The following CD44 variants were observed in gnomAD, a reference collection of about 807,000 sequenced individuals.
The protein encoded by CD44 is CD44 molecule (IN blood group).
In CD44, 49 loss-of-function variants were observed where a neutral mutation model predicts 88.8. The observed-to-expected ratio is 0.55, with a 90% CI of 0.44 to 0.70. The LOEUF (loss-of-function observed/expected upper bound fraction) is 0.70, where lower values mean the gene tolerates loss of function less well. Among genes scored for constraint, CD44 ranks in the 30% least tolerant of loss-of-function variants. The pLI is 0.00. For synonymous variants in CD44, 325 were observed against 312.3 expected, an observed-to-expected ratio of 1.04 and a Z score of -0.43; for missense variants, 883 against 913.8, an observed-to-expected ratio of 0.97 and a Z score of 0.43.
rs1948365005 is a variant in CD44 at position 35,211,290 on chromosome 11, G to A, written c.1651G>A (p.Glu551Lys). The A allele has an allele frequency of 2.5e-6, 4 of 1,613,866 alleles. No individual in the cohort carries two copies. The Admixed American group carries it at 5.0e-5, about 20-fold the overall frequency. The change falls in exon 14 of 18, where the codon GAA becomes AAA. Residue 551 changes from glutamate (E) to lysine (K), a missense_variant. By Grantham distance (56) the Glu-to-Lys change is moderately conservative (BLOSUM62 1). This residue lies in a region of CD44 where 631 missense variants were observed against 590.9 expected (regional missense o/e 1.07). Transcript: ENST00000428726. ...TGGAAGAAGAGACCCAAATCATTCTGAAGGCTCAACTACTTTACTGGAAGG... is the reference window on the plus strand; with the variant it reads ...TGGAAGAAGAGACCCAAATCATTCTAAAGGCTCAACTACTTTACTGGAAGG... ...TGGRRDPNHS[E>K]GSTTLLEGYT...
At chr11:35,155,122 CTTATTTCTCA>C (rs371960562) in intron 1 of CD44, among the ~76,000 whole-genome samples, 5 of 152,224 alleles carry the variant, frequency 3.3e-5, no homozygotes, top group African/African-American at 1.2e-4. Flanking sequence ...TTGACCTCTC[CTTATTTCTCA>C]TTGGATGAAT....
chr11:35,144,301 G>T (rs947171219), intron 1 of CD44, among the ~76,000 whole-genome samples: 7 of 152,228 alleles, frequency 4.6e-5, no homozygotes, highest in African/African-American at 1.4e-4. Flanking sequence ...AAGGGAAGTG[G>T]TTCTTGCGAA....
chr11:35,186,857 A>C lies in CD44; in HGVS notation c.393A>C (p.Ser131=), dbSNP rs1174133122. ...CTCCACCTGAAGAAGATTGTACATC[A>C]GTCACAGACCTGCCCAATGCCTTTG... The part of the protein sequence containing the change: ...ASAPPEEDCT[S]VTDLPNAFDG... Residue 131 remains serine, a synonymous_variant, in exon 4 of 18, where the codon TCA becomes TCC. Coordinates refer to ENST00000428726, the MANE Select transcript of CD44 (RefSeq NM_000610.4). The C allele has an allele frequency of 6.2e-7, 1 of 1,607,152 alleles. No homozygotes were observed. The highest frequency in any genetic ancestry group is 1.3e-5 in the African/African-American group (1 of 74,792).
intron 1 of CD44, among the ~76,000 whole-genome samples, chr11:35,158,836 G>A (rs1942240218): frequency 1.3e-5 from 2 of 152,198 alleles, no homozygotes; most frequent in Non-Finnish European, 2.9e-5. Flanking sequence ...CAGGATTATT[G>A]CTGTAGCTGG....
rs753639479 is a variant in CD44 at position 35,198,153 on chromosome 11, G to A, written c.829G>A (p.Glu277Lys). 4 of 1,613,940 alleles carry A rather than the reference G, an allele frequency of 2.5e-6. No homozygotes were observed. The highest frequency in any genetic ancestry group is 3.4e-6 in the Non-Finnish European group (4 of 1,179,880). ...TTCAAATACCATCTCAGCAGGCTGG[G>A]AGCCAAATGAAGAAAATGAAGATGA... ...TSSNTISAGW[E>K]PNEENEDERD... The change falls in exon 7 of 18, where the codon GAG (glutamate) becomes AAG (lysine). Residue 277 changes from glutamate (E) to lysine (K), a missense_variant. By Grantham distance (56) the Glu-to-Lys change is moderately conservative. This residue lies in a region of CD44 where 631 missense variants were observed against 590.9 expected (regional missense o/e 1.07). Coordinates refer to ENST00000428726, the MANE Select transcript of CD44 (RefSeq NM_000610.4).
At chr11:35,140,430 C>T (rs2132927081) in intron 1 of CD44, among the ~76,000 whole-genome samples, 1 of 152,330 alleles carries the variant, frequency 6.6e-6, no homozygotes, top group Middle Eastern at 3.4e-3. Context: ...GCAGTAAATT[C>T]TACTCAGCAA....
chr11:35,157,119 A>G (rs932952723), intron 1 of CD44, among the ~76,000 whole-genome samples: 1 of 152,208 alleles, frequency 6.6e-6, no homozygotes. Context: ...GCTTTATTCA[A>G]TGCCTGGATC....
At chr11:35,222,824 G>T (rs1020655367) in intron 17 of CD44, 3 of 985,158 alleles carry the variant, frequency 3.0e-6, no homozygotes, top group African/African-American at 1.7e-5. Flanking sequence ...TAAGGTAAAA[G>T]AAACTTATTT....
intron 5 of CD44, among the ~76,000 whole-genome samples, chr11:35,191,522 T>G (rs544426912): frequency 6.6e-6 from 1 of 152,280 alleles, no homozygotes; most frequent in East Asian, 1.9e-4. Flanking sequence ...ACTCACTGCT[T>G]CTTGGGTTCC....
intron 6 of CD44, 84 bp downstream of exon 6, chr11:35,196,958 C>A: frequency 1.4e-6 from 2 of 1,397,144 alleles, no homozygotes; most frequent in Admixed American, 2.0e-5. Context: ...GTTATTAAAG[C>A]CTAACGTTCC....
At chr11:35,191,831 G>A (rs10488810) in intron 5 of CD44, among the ~76,000 whole-genome samples, 12,919 of 152,200 alleles carry the variant, frequency 0.085, 568 homozygotes, top group South Asian at 0.15. Flanking sequence ...TCCTAAGTTA[G>A]TCAGCAAACG....
chr11:35,151,459 A>C (rs1183704717), intron 1 of CD44, among the ~76,000 whole-genome samples: 1 of 152,212 alleles, frequency 6.6e-6, no homozygotes, highest in Non-Finnish European at 1.5e-5. Flanking sequence ...TGGCAATTTA[A>C]GTGAATCCCA....
intron 3 of CD44, 101 bp downstream of exon 3, chr11:35,180,508 C>A: frequency 7.9e-7 from 1 of 1,264,698 alleles, no homozygotes; most frequent in Non-Finnish European, 1.1e-6. Context: ...ATTTACATAA[C>A]AAATGCTCAC....
intron 15 of CD44, 35 bp downstream of exon 15, chr11:35,214,949 TA>T: frequency 7.2e-7 from 1 of 1,387,912 alleles, no homozygotes; most frequent in Non-Finnish European, 9.8e-7. Flanking sequence ...TTTACTGTTA[TA>T]ATCATTGAGC....
chr11:35,211,745 T>C (rs1036466224), intron 14 of CD44, among the ~76,000 whole-genome samples: 3 of 151,982 alleles, frequency 2.0e-5, no homozygotes, highest in Non-Finnish European at 4.4e-5. Context: ...ATTGCTTTCT[T>C]TGTCTTATCT....
At chr11:35,211,836 C>A (rs950802302) in intron 14 of CD44, among the ~76,000 whole-genome samples, 1 of 152,072 alleles carries the variant, frequency 6.6e-6, no homozygotes, top group African/African-American at 2.4e-5. Context: ...CCGTTTAATT[C>A]GACTAATATA....
At chr11:35,180,436 G>A (rs78766150) in intron 3 of CD44, 29 bp downstream of exon 3, 831 of 1,613,356 alleles carry the variant, frequency 5.2e-4, no homozygotes, top group African/African-American at 5.1e-3. Flanking sequence ...GTCTGTTGGC[G>A]TGAAAGGCTG....
At chr11:35,202,448 C>G (rs1464426187) in intron 9 of CD44, among the ~76,000 whole-genome samples, 1 of 152,192 alleles carries the variant, frequency 6.6e-6, no homozygotes, top group Non-Finnish European at 1.5e-5. Context: ...GGGGCCCCCT[C>G]ACTCCCCAAA....
chr11:35,212,354 C>T (rs1337937927), intron 14 of CD44, among the ~76,000 whole-genome samples: 1 of 151,886 alleles, frequency 6.6e-6, no homozygotes, highest in Non-Finnish European at 1.5e-5. Flanking sequence ...CTTCTCTCCT[C>T]CCCCCAAAAA....
Sources: allele counts gnomAD v4.1 joint callset (sites outside exome capture counted in the v4.1 genomes callset), GRCh38; gene constraint gnomAD v4.1.1; regional missense constraint gnomAD v4.1.1; transcripts MANE v1.5; gene names NCBI Gene and HGNC (gene_info 2026-07-23, HGNC 2026-07-21).